The following ELOVL6 variants were observed in gnomAD, a reference collection of about 807,000 sequenced individuals.
The protein encoded by ELOVL6 is very long chain fatty acid elongase 6.
Under a neutral mutation model 31.7 loss-of-function variants are expected in ELOVL6, and 8 were observed. That is an observed-to-expected ratio of 0.25 (90% confidence interval 0.15 to 0.45). The LOEUF (loss-of-function observed/expected upper bound fraction) is 0.45, where lower values mean the gene tolerates loss of function less well. Among genes scored for constraint, ELOVL6 ranks in the 20% least tolerant of loss-of-function variants. ELOVL6 has a pLI of 1.00. For missense variants in ELOVL6, 126 were observed against 326.4 expected, an observed-to-expected ratio of 0.39 and a Z score of 4.73; for synonymous variants, 101 against 117.7, an observed-to-expected ratio of 0.86 and a Z score of 0.92.
chr4:110,132,393 A>G (rs1757693232), intron 1 of ELOVL6, among the ~76,000 whole-genome samples: 1 of 152,196 alleles, frequency 6.6e-6, no homozygotes, highest in Non-Finnish European at 1.5e-5. Flanking sequence ...TATTCCATAT[A>G]TTTATTGAAA....
chr4:110,160,937 C>A (rs1366008526), intron 1 of ELOVL6, among the ~76,000 whole-genome samples: 1 of 152,144 alleles, frequency 6.6e-6, no homozygotes, highest in Non-Finnish European at 1.5e-5. Flanking sequence ...ATTGGTTTCT[C>A]CAACAGAGTA....
chr4:110,133,952 A>G (rs1029184481), intron 1 of ELOVL6, among the ~76,000 whole-genome samples: 1 of 152,210 alleles, frequency 6.6e-6, no homozygotes, highest in African/African-American at 2.4e-5. Context: ...AATAATATCC[A>G]TAACGCTTTA....
intron 3 of ELOVL6, among the ~76,000 whole-genome samples, chr4:110,055,057 T>C (rs568550217): frequency 1.5e-4 from 23 of 151,556 alleles, no homozygotes; most frequent in Non-Finnish European, 3.1e-4. Flanking sequence ...ACCCAAAGAG[T>C]GGTAGTTTCC....
chr4:110,110,709 C>G (rs141435328), intron 1 of ELOVL6, among the ~76,000 whole-genome samples: 1 of 152,058 alleles, frequency 6.6e-6, no homozygotes, highest in East Asian at 1.9e-4. Context: ...AGGTTTTATT[C>G]GTAAGTAAAT....
chr4:110,136,557 T>C (rs1295659814), intron 1 of ELOVL6, among the ~76,000 whole-genome samples: 1 of 152,202 alleles, frequency 6.6e-6, no homozygotes, highest in Non-Finnish European at 1.5e-5. Flanking sequence ...AGTGTTCCCA[T>C]TGGCTATGAA....
intron 1 of ELOVL6, among the ~76,000 whole-genome samples, chr4:110,127,041 A>T (rs1757518416): frequency 6.6e-6 from 1 of 152,184 alleles, no homozygotes; most frequent in Non-Finnish European, 1.5e-5. Flanking sequence ...AAGGAAAAGT[A>T]GTAGACCATC....
intron 1 of ELOVL6, among the ~76,000 whole-genome samples, chr4:110,141,208 C>T (rs1757943906): frequency 6.6e-6 from 1 of 152,114 alleles, no homozygotes; most frequent in Admixed American, 6.6e-5. Context: ...GGACTACAGG[C>T]ATGAGCCACC....
chr4:110,173,201 T>C (rs1010566121), intron 1 of ELOVL6, among the ~76,000 whole-genome samples: 7 of 152,156 alleles, frequency 4.6e-5, no homozygotes, highest in African/African-American at 7.2e-5. Context: ...TAGTCAAGCA[T>C]GAGAACAAAC....
At chr4:110,079,778 CA>C (rs373988596) in intron 2 of ELOVL6, among the ~76,000 whole-genome samples, 37,747 of 151,650 alleles carry the variant, frequency 0.25, 4,909 homozygotes, top group Non-Finnish European at 0.29. Context: ...AAAAACCCTT[CA>C]AAAAAAATCA....
intron 2 of ELOVL6, among the ~76,000 whole-genome samples, chr4:110,062,795 A>T (rs918369428): frequency 6.6e-6 from 1 of 152,144 alleles, no homozygotes. Context: ...TGCAAATCGA[A>T]CCCTTTGTAC....
At chr4:110,165,018 T>C (rs1758735450) in intron 1 of ELOVL6, among the ~76,000 whole-genome samples, 1 of 152,062 alleles carries the variant, frequency 6.6e-6, no homozygotes, top group South Asian at 2.1e-4. Flanking sequence ...AAGGATTTCC[T>C]GAATGTAATG....
At chr4:110,181,833 ACCAGGCTCTCTGGATC>A (rs1366401095) in intron 1 of ELOVL6, among the ~76,000 whole-genome samples, 1 of 152,146 alleles carries the variant, frequency 6.6e-6, no homozygotes, top group Non-Finnish European at 1.5e-5. Flanking sequence ...GATCACACAT[ACCAGGCTCTCTGGATC>A]CACAGAGCCT....
chr4:110,173,368 C>T (rs1279232379), intron 1 of ELOVL6, among the ~76,000 whole-genome samples: 1 of 152,072 alleles, frequency 6.6e-6, no homozygotes, highest in Admixed American at 6.5e-5. Flanking sequence ...GTGATACCCA[C>T]AACCAGCCAT....
intron 1 of ELOVL6, among the ~76,000 whole-genome samples, chr4:110,119,006 G>T (rs2126252864): frequency 6.6e-6 from 1 of 152,306 alleles, no homozygotes; most frequent in Admixed American, 6.5e-5. Context: ...GGAGGTTGCA[G>T]TAAGCTGTGA....
At chr4:110,121,685 C>T (rs554867467) in intron 1 of ELOVL6, among the ~76,000 whole-genome samples, 15 of 152,154 alleles carry the variant, frequency 9.9e-5, no homozygotes, top group African/African-American at 2.2e-4. Flanking sequence ...GGCGACAGAT[C>T]GAGACTCTGT....
At chr4:110,083,884 A>G (rs1755967024) in intron 2 of ELOVL6, among the ~76,000 whole-genome samples, 1 of 108,788 alleles carries the variant, frequency 9.2e-6, no homozygotes, top group Non-Finnish European at 2.3e-5. Context: ...ATGCTGTGAT[A>G]TATATAGATA....
chr4:110,064,078 C>CA (rs34104506), intron 2 of ELOVL6, among the ~76,000 whole-genome samples: 8,866 of 103,134 alleles, frequency 0.086, 793 homozygotes, highest in African/African-American at 0.22. Flanking sequence ...AACTCTGTCT[C>CA]AAAAAAAAAA....
intron 1 of ELOVL6, among the ~76,000 whole-genome samples, chr4:110,150,828 A>C (rs531377196): frequency 5.3e-5 from 8 of 152,280 alleles, no homozygotes; most frequent in African/African-American, 1.9e-4. Context: ...GGATCACCTG[A>C]GGTCAGGAGT....
In ELOVL6 at chr4:110,049,395, A is replaced by G. The variant is rs1373181395; in HGVS notation, c.*1943T>C. 6.6e-6 allele frequency: 1 copy of G among 152,582 alleles called. No individual in the cohort carries two copies. Among genetic ancestry groups the G allele is most frequent in the Non-Finnish European group, 1.5e-5 (1 of 68,036 alleles). The allele number at this position is 152,582 out of a possible 1,614,324, so 9.5% of individuals were successfully genotyped here. A position where few individuals can be genotyped will look rare whatever the true frequency, so the allele number is the denominator to read the frequency against. On this transcript the variant is annotated 3_prime_UTR_variant, in exon 4 of 4. Transcript: ENST00000302274. ...TGCTCAAACCATTCACACAGAATGG[A>G]ATAAAACTTTATTCTTTTTAAATTC...
Sources: gnomAD v4.1 joint callset for allele counts (sites outside exome capture counted in the v4.1 genomes callset) on GRCh38, gnomAD v4.1.1 for gene constraint, MANE v1.5 for transcripts, NCBI Gene and HGNC (gene_info 2026-07-23, HGNC 2026-07-21) for gene names.